CREBRF: variants seen among roughly 807,000 people sequenced by gnomAD.
The protein encoded by CREBRF is CREB3 regulatory factor.
CREBRF carries 5 observed loss-of-function variants against 66.1 expected under a neutral mutation model. That is an observed-to-expected ratio of 0.08 (90% CI 0.04 to 0.16). The LOEUF (loss-of-function observed/expected upper bound fraction) is 0.16, where lower values mean the gene tolerates loss of function less well. Among genes scored for constraint, CREBRF ranks in the 10% least tolerant of loss-of-function variants. The pLI is 1.00. For synonymous variants in CREBRF, 229 were observed against 264.4 expected (o/e 0.87, Z 1.30); for missense variants, 531 against 744.9 (o/e 0.71, Z 3.34).
At chr5:173,131,331 T>C (rs996023960) in intron 8 of CREBRF, among the ~76,000 whole-genome samples, 2 of 152,254 alleles carry the variant, frequency 1.3e-5, no homozygotes, top group African/African-American at 4.8e-5. Context: ...TGCTTCAACA[T>C]TGATATAATA....
At chr5:173,057,017 G>C (rs1446151339) in intron 1 of CREBRF, among the ~76,000 whole-genome samples, 1 of 152,032 alleles carries the variant, frequency 6.6e-6, no homozygotes, top group Non-Finnish European at 1.5e-5. Context: ...CTGGGGCTAG[G>C]GGGGTCCGAG....
intron 4 of CREBRF, among the ~76,000 whole-genome samples, chr5:173,102,985 G>C (rs537390955): frequency 7.2e-5 from 11 of 152,222 alleles, no homozygotes; most frequent in Non-Finnish European, 1.3e-4. Context: ...GGAGGTCTGT[G>C]AAGGGAGATC....
intron 3 of CREBRF, among the ~76,000 whole-genome samples, chr5:173,087,224 G>A (rs1758179326): frequency 6.6e-6 from 1 of 152,056 alleles, no homozygotes; most frequent in Non-Finnish European, 1.5e-5. Context: ...TGGGATTACA[G>A]GCATGAGTCA....
At position 173,076,992 on chromosome 5, in the gene CREBRF, A is replaced by G. The variant is rs567819889; in HGVS notation, c.-191-3593A>G. Among the ~76,000 whole-genome samples, 12 of 151,004 alleles carry G rather than the reference A, an allele frequency of 7.9e-5. No homozygotes were observed. In the South Asian group the frequency reaches 2.3e-3, roughly 29 times the overall value. The stretch of plus-strand genomic sequence containing the variant: ...AGTGTCTCACTCTGTAGCCCAGGCT[A>G]CAGTGCAGTGGCACAATCTCGGCTC... On this transcript the variant is annotated intron_variant, in intron 1 of 8. Transcript: ENST00000296953.
At chr5:173,117,557 T>TCCTCTCTCCCTCCCTCCCTCCCTC (rs1554126345) in intron 7 of CREBRF, among the ~76,000 whole-genome samples, 2 of 21,580 alleles carry the variant, frequency 9.3e-5, no homozygotes, top group African/African-American at 1.6e-4. Context: ...CCTCCCCTCT[T>TCCTCTCTCCCTCCCTCCCTCCCTC]CCTCCCTCCC....
intron 4 of CREBRF, 55 bp from the exon 5 acceptor site, chr5:173,108,569 C>A: frequency 6.8e-7 from 1 of 1,469,228 alleles, no homozygotes; most frequent in South Asian, 1.2e-5. Flanking sequence ...TTCATTTGTT[C>A]TGATTGATTT....
chr5:173,057,919 C>T (rs1437364904), intron 1 of CREBRF, among the ~76,000 whole-genome samples: 2 of 151,454 alleles, frequency 1.3e-5, no homozygotes, highest in East Asian at 3.9e-4. Context: ...TGGTAGTCCA[C>T]ATTAATCAGC....
chr5:173,077,991 C>T (rs550453481), intron 1 of CREBRF, among the ~76,000 whole-genome samples: 1 of 152,084 alleles, frequency 6.6e-6, no homozygotes, highest in Non-Finnish European at 1.5e-5. Flanking sequence ...GTTGTGTTTA[C>T]CTTTTGGCTT....
intron 4 of CREBRF, among the ~76,000 whole-genome samples, chr5:173,095,251 C>T (rs1310459359): frequency 2.8e-5 from 4 of 142,442 alleles, no homozygotes; most frequent in East Asian, 2.0e-4. Context: ...TGCAGTGGCC[C>T]GATCTTGGCT....
intron 8 of CREBRF, among the ~76,000 whole-genome samples, chr5:173,126,229 C>G (rs1355954127): frequency 6.6e-6 from 1 of 152,116 alleles, no homozygotes; most frequent in Non-Finnish European, 1.5e-5. Flanking sequence ...CAGCCTCTGC[C>G]TCCCAGGTTC....
At chr5:173,085,743 G>A (rs972000114) in intron 2 of CREBRF, 10 of 768,952 alleles carry the variant, frequency 1.3e-5, no homozygotes, top group African/African-American at 5.1e-5. Flanking sequence ...AGGCCTTTCT[G>A]TGTGAGTGTA....
At chr5:173,057,994 C>G (rs528398384) in intron 1 of CREBRF, among the ~76,000 whole-genome samples, 2 of 151,168 alleles carry the variant, frequency 1.3e-5, no homozygotes, top group Admixed American at 1.3e-4. Flanking sequence ...ACTTTTCTTG[C>G]GAATACCCTG....
intron 4 of CREBRF, among the ~76,000 whole-genome samples, chr5:173,100,118 G>GTGTGTGTATATATATA (rs70984939): frequency 1.1e-4 from 10 of 88,386 alleles, no homozygotes; most frequent in Admixed American, 4.1e-4. Flanking sequence ...GTGTGTGTGT[G>GTGTGTGTATATATATA]TATATATATA....
intron 1 of CREBRF, among the ~76,000 whole-genome samples, chr5:173,058,760 C>T (rs1242535974): frequency 1.4e-5 from 2 of 140,220 alleles, no homozygotes; most frequent in African/African-American, 5.3e-5. Context: ...GCTGGGATTA[C>T]AGGCGTGAGC....
chr5:173,088,090 C>G (rs1479115970), intron 3 of CREBRF, among the ~76,000 whole-genome samples: 3 of 151,712 alleles, frequency 2.0e-5, no homozygotes, highest in Non-Finnish European at 4.4e-5. Context: ...GCTGGGATTA[C>G]AGGTGTGAGC....
chr5:173,093,215 G>A (rs1370504866), intron 4 of CREBRF, among the ~76,000 whole-genome samples: 3 of 152,228 alleles, frequency 2.0e-5, no homozygotes, highest in South Asian at 2.1e-4. Flanking sequence ...GGTGCTTAAA[G>A]GAATATATAG....
chr5:173,089,377 G>T (rs1007842269), intron 3 of CREBRF, among the ~76,000 whole-genome samples: 1 of 151,870 alleles, frequency 6.6e-6, no homozygotes, highest in Non-Finnish European at 1.5e-5. Context: ...TATGTATATA[G>T]TTTTTTTGTA....
At chr5:173,089,569 C>T (rs1758267053) in intron 3 of CREBRF, among the ~76,000 whole-genome samples, 1 of 151,572 alleles carries the variant, frequency 6.6e-6, no homozygotes, top group Admixed American at 6.6e-5. Context: ...TGCCTGTAAT[C>T]CCAGCAATTT....
intron 3 of CREBRF, among the ~76,000 whole-genome samples, chr5:173,088,995 G>A (rs1581678870): frequency 6.6e-6 from 1 of 151,886 alleles, no homozygotes; most frequent in East Asian, 1.9e-4. Flanking sequence ...TGACCAAGAT[G>A]GTGAAACCTC....
Sources: allele counts gnomAD v4.1 joint callset (sites outside exome capture counted in the v4.1 genomes callset), GRCh38; gene constraint gnomAD v4.1.1; transcripts MANE v1.5; gene names NCBI Gene and HGNC (gene_info 2026-07-23, HGNC 2026-07-21).